KCNQ3: variants seen among roughly 807,000 people sequenced by gnomAD.
KCNQ3 encodes potassium voltage-gated channel subfamily KQT member 3.
KCNQ3 carries 30 observed loss-of-function variants against 92.5 expected under a neutral mutation model. The observed-to-expected ratio is 0.32, with a 90% confidence interval of 0.24 to 0.44. KCNQ3 has a LOEUF of 0.44. Ranked by LOEUF, KCNQ3 falls within the 20% of genes least tolerant of loss-of-function variation. The probability of loss-of-function intolerance (pLI) is 1.00; values close to 1 mark genes in which losing one functional copy is unlikely to be tolerated. For synonymous variants in KCNQ3, 450 were observed against 468.8 expected (o/e 0.96, Z 0.52); for missense variants, 913 against 1,140.3 (o/e 0.80, Z 2.87).
chr8:132,338,998 C>T (rs1222600122), intron 1 of KCNQ3, among the ~76,000 whole-genome samples: 1 of 152,166 alleles, frequency 6.6e-6, no homozygotes, highest in Non-Finnish European at 1.5e-5. Context: ...AGGGCAAAAC[C>T]ATTAAAGTTG....
rs866003760 is a variant in KCNQ3, at chr8:132,121,115, G to A, written c.*8147C>T. On this transcript the variant is annotated 3_prime_UTR_variant, in exon 15 of 15. Coordinates refer to ENST00000388996, the MANE Select transcript of KCNQ3 (RefSeq NM_004519.4). ...GCCAGAATGTGAAGAAAGCCTACTC[G>A]TAGCACAGAGACAAACCCAGGGAGC... The A allele has an allele frequency of 2.0e-5, 3 of 152,160 alleles. No homozygotes were observed. The highest frequency in any genetic ancestry group is 4.1e-4 in the South Asian group (2 of 4,830). The allele number at this position is 152,160 out of a possible 1,614,324, so 9.4% of individuals were successfully genotyped here. A position where few individuals can be genotyped will look rare whatever the true frequency, so the allele number is the denominator to read the frequency against.
chr8:132,225,053 T>G (rs1181811132), intron 1 of KCNQ3, among the ~76,000 whole-genome samples: 1 of 152,174 alleles, frequency 6.6e-6, no homozygotes, highest in Non-Finnish European at 1.5e-5. Context: ...TGAGACAGAA[T>G]AGACCCACCA....
intron 1 of KCNQ3, among the ~76,000 whole-genome samples, chr8:132,330,750 A>G (rs1364526068): frequency 1.3e-5 from 2 of 152,208 alleles, no homozygotes; most frequent in African/African-American, 2.4e-5. Context: ...CTTATATAAG[A>G]TGATGGTGAT....
chr8:132,292,903 A>T (rs537608904), intron 1 of KCNQ3, among the ~76,000 whole-genome samples: 1 of 152,296 alleles, frequency 6.6e-6, no homozygotes, highest in African/African-American at 2.4e-5. Context: ...AATGCTAAAC[A>T]GAGAGGCCAA....
intron 1 of KCNQ3, among the ~76,000 whole-genome samples, chr8:132,208,488 C>G (rs1016734020): frequency 2.6e-5 from 4 of 152,004 alleles, no homozygotes; most frequent in Non-Finnish European, 4.4e-5. Context: ...TTTGTTGGCC[C>G]TACTATTCCC....
rs1418381991 is a variant in KCNQ3, at chr8:132,480,250, G to C, written c.283C>G (p.Arg95Gly). 6.2e-7 allele frequency: 1 copy of C among 1,612,838 alleles called. No homozygotes were observed. Among genetic ancestry groups the C allele is most frequent in the South Asian group, 1.1e-5 (1 of 90,876 alleles). ...TTGGCGTTGTTTCTCTTGACTGGGC[G>C]GCTCAGCGGGGTCTTGGCCAGGAGC... The part of the protein sequence containing the change: ...IGLLAKTPLS[R>G]PVKRNNAKYR... Residue 95 changes from arginine to glycine, a missense_variant, in exon 1 of 15, where the codon CGC becomes GGC. Transcript: ENST00000388996.
chr8:132,273,708 C>T (rs1816236480), intron 1 of KCNQ3, among the ~76,000 whole-genome samples: 1 of 152,206 alleles, frequency 6.6e-6, no homozygotes, highest in Non-Finnish European at 1.5e-5. Flanking sequence ...ATGTCTTTAA[C>T]AGCACCCAGT....
Position 132,132,878 on chromosome 8 carries a change from T to C in KCNQ3, c.1800-614A>G, listed in dbSNP as rs114834575. Among the ~76,000 whole-genome samples the C allele has an allele frequency of 4.3e-3, 658 of 152,346 alleles. 3 individuals carry two copies. Among genetic ancestry groups the C allele is most frequent in the African/African-American group, 0.015 (629 of 41,574 alleles). On this transcript the variant is annotated intron_variant, in intron 13 of 14. Coordinates refer to ENST00000388996, the MANE Select transcript of KCNQ3 (RefSeq NM_004519.4). ...TCAACATTTTTATTTTTTTTGCAGA[T>C]AGAACTTTCAGGGAGTCTAGCTATT...
At chr8:132,281,706 C>T (rs1330844475) in intron 1 of KCNQ3, among the ~76,000 whole-genome samples, 1 of 151,740 alleles carries the variant, frequency 6.6e-6, no homozygotes, top group South Asian at 2.1e-4. Flanking sequence ...ACCGGCACCC[C>T]CACACCCCAA....
chr8:132,132,345 C>T lies in KCNQ3; in HGVS notation c.1800-81G>A, dbSNP rs1273340856. 7 of 1,029,750 alleles carry T rather than the reference C, an allele frequency of 6.8e-6. No homozygotes were observed. In the East Asian group the frequency reaches 1.7e-4, roughly 25 times the overall value. 63.8% of individuals were successfully genotyped at this position (1,029,750 alleles called of 1,614,324 possible). A position where few individuals can be genotyped will look rare whatever the true frequency, so the allele number is the denominator to read the frequency against. On this transcript the variant is annotated intron_variant, in intron 13 of 14. Coordinates refer to ENST00000388996, the MANE Select transcript of KCNQ3 (RefSeq NM_004519.4). ...GTAATTTCGGCTAGGCAGGCCATGGCCAACAGAGCCATCGTTCTCACCCTC... is the reference window on the plus strand; with the variant it reads ...GTAATTTCGGCTAGGCAGGCCATGGTCAACAGAGCCATCGTTCTCACCCTC...
At chr8:132,208,447 T>TGCTGGTGTTGTGAGCC (rs1157387806) in intron 1 of KCNQ3, among the ~76,000 whole-genome samples, 1 of 152,160 alleles carries the variant, frequency 6.6e-6, no homozygotes, top group Non-Finnish European at 1.5e-5. Flanking sequence ...ATTCACTAGC[T>TGCTGGTGTTGTGAGCC]GCTGGTGTTG....
At chr8:132,225,398 T>C (rs909117603) in intron 1 of KCNQ3, among the ~76,000 whole-genome samples, 3 of 152,126 alleles carry the variant, frequency 2.0e-5, no homozygotes, top group Admixed American at 1.3e-4. Flanking sequence ...GGAGGCAGTA[T>C]AGAGCTTGAA....
At chr8:132,145,273 C>G (rs1374898580) in intron 9 of KCNQ3, among the ~76,000 whole-genome samples, 2 of 152,144 alleles carry the variant, frequency 1.3e-5, no homozygotes, top group Non-Finnish European at 2.9e-5. Context: ...TGGAATGTCG[C>G]AAGCACTAAA....
intron 1 of KCNQ3, among the ~76,000 whole-genome samples, chr8:132,418,485 C>T (rs976991473): frequency 1.3e-5 from 2 of 152,186 alleles, no homozygotes; most frequent in Non-Finnish European, 2.9e-5. Flanking sequence ...TCCTCAATTG[C>T]TAAATTTAAA....
intron 1 of KCNQ3, among the ~76,000 whole-genome samples, chr8:132,239,166 C>G (rs4736561): frequency 0.58 from 87,875 of 152,032 alleles, 26,099 homozygotes; most frequent in East Asian, 0.77. Context: ...TGAAATGAAG[C>G]TAGGCTTTGG....
At position 132,480,470 on chromosome 8, in the gene KCNQ3, T is replaced by A; in HGVS notation, c.63A>T (p.Gly21=). The change falls in exon 1 of 15, where the codon GGA becomes GGT. Residue 21 remains glycine, a synonymous_variant. Coordinates refer to ENST00000388996, the MANE Select transcript of KCNQ3 (RefSeq NM_004519.4). The part of the protein sequence containing the change: ...AAGGGGDGGG[G]GGGAANPAGG... The stretch of plus-strand genomic sequence containing the variant: ...CGGCTGGGTTAGCCGCCCCGCCGCC[T>A]CCGCCGCCCCCGTCGCCGCCGCCGC... 1 of 1,243,790 alleles carries A rather than the reference T, an allele frequency of 8.0e-7. No individual in the cohort carries two copies. Among genetic ancestry groups the A allele is most frequent in the Non-Finnish European group, 1.0e-6 (1 of 999,746 alleles). The allele number at this position is 1,243,790 out of a possible 1,614,324, so 77.0% of individuals were successfully genotyped here.
At chr8:132,248,861 T>C (rs1467984161) in intron 1 of KCNQ3, among the ~76,000 whole-genome samples, 1 of 152,158 alleles carries the variant, frequency 6.6e-6, no homozygotes, top group Non-Finnish European at 1.5e-5. Flanking sequence ...TTGTCTTCAG[T>C]GGAATGGCTT....
chr8:132,431,248 C>T (rs1322502120), intron 1 of KCNQ3, among the ~76,000 whole-genome samples: 1 of 152,206 alleles, frequency 6.6e-6, no homozygotes, highest in East Asian at 1.9e-4. Context: ...CCATGTGTCA[C>T]TAGCCGGGGA....
chr8:132,397,713 T>A (rs1424027701), intron 1 of KCNQ3, among the ~76,000 whole-genome samples: 1 of 152,158 alleles, frequency 6.6e-6, no homozygotes, highest in Non-Finnish European at 1.5e-5. Flanking sequence ...GTTTGAAAAG[T>A]CTTTTCCCTT....
Sources: allele counts gnomAD v4.1 joint callset (sites outside exome capture counted in the v4.1 genomes callset), GRCh38; gene constraint gnomAD v4.1.1; transcripts MANE v1.5; gene names NCBI Gene and HGNC (gene_info 2026-07-23, HGNC 2026-07-21).